The following PPP2R5E variants were observed in gnomAD, a reference collection of about 807,000 sequenced individuals.
PPP2R5E encodes the protein serine/threonine-protein phosphatase 2A 56 kDa regulatory subunit epsilon isoform.
Under a neutral mutation model 65.3 loss-of-function variants are expected in PPP2R5E, and 4 were observed. That is an observed-to-expected ratio of 0.06 (90% CI 0.03 to 0.14). The LOEUF (loss-of-function observed/expected upper bound fraction) is 0.14. PPP2R5E is among the 10% of genes least tolerant of loss of function. The pLI is 1.00. For synonymous variants in PPP2R5E, 183 were observed against 187.4 expected, an observed-to-expected ratio of 0.98 and a Z score of 0.19; for missense variants, 274 against 556.1, an observed-to-expected ratio of 0.49 and a Z score of 5.10.
At chr14:63,486,569 C>G (rs908942810) in intron 2 of PPP2R5E, among the ~76,000 whole-genome samples, 1 of 151,764 alleles carries the variant, frequency 6.6e-6, no homozygotes, top group Non-Finnish European at 1.5e-5. Context: ...TTACCAATAC[C>G]ATCATTTGGG....
At chr14:63,439,524 G>A (rs1195741905) in intron 3 of PPP2R5E, among the ~76,000 whole-genome samples, 4 of 152,226 alleles carry the variant, frequency 2.6e-5, no homozygotes, top group African/African-American at 4.8e-5. Flanking sequence ...ACAGGCATGC[G>A]CCACCAGGCC....
chr14:63,382,716 T>C (rs1446473468), intron 12 of PPP2R5E, among the ~76,000 whole-genome samples: 1 of 152,170 alleles, frequency 6.6e-6, no homozygotes, highest in Non-Finnish European at 1.5e-5. Flanking sequence ...TTCTAATTAT[T>C]GGCACCCAGA....
rs1165072621 is a variant in PPP2R5E, at chr14:63,502,225, C to T, written c.157+37304G>A. 3.3e-5 allele frequency among the ~76,000 whole-genome samples: 5 copies of T among 152,088 alleles called. No individual in the cohort carries two copies. The East Asian group carries it at 7.8e-4, about 24-fold the overall frequency. On this transcript the variant is annotated intron_variant, in intron 2 of 13. Transcript: ENST00000337537. ...TTGTTTTTTTAAATGGAACCATCTA[C>T]ATAGCATGAAGCAGAGGGCACCAGA... is the stretch of plus-strand genomic sequence containing the variant.
chr14:63,498,224 G>A (rs1327096598), intron 2 of PPP2R5E, among the ~76,000 whole-genome samples: 1 of 152,152 alleles, frequency 6.6e-6, no homozygotes, highest in Non-Finnish European at 1.5e-5. Flanking sequence ...AAACAGTGTG[G>A]TTTTTATTCA....
intron 5 of PPP2R5E, among the ~76,000 whole-genome samples, chr14:63,400,699 C>CAAAAAAAAGAA (rs1555356631): frequency 1.4e-5 from 1 of 73,730 alleles, no homozygotes. Context: ...CCCAACCAGC[C>CAAAAAAAAGAA]AAAAAAAAAA....
chr14:63,494,480 C>T (rs1223904736), intron 2 of PPP2R5E, among the ~76,000 whole-genome samples: 1 of 151,802 alleles, frequency 6.6e-6, no homozygotes, highest in Non-Finnish European at 1.5e-5. Flanking sequence ...GGTGATCTGC[C>T]CCTATTAGCC....
chr14:63,394,159 G>A (rs566051216), intron 7 of PPP2R5E, among the ~76,000 whole-genome samples: 2 of 137,276 alleles, frequency 1.5e-5, no homozygotes, highest in African/African-American at 5.5e-5. Context: ...TCAGCTCACT[G>A]CAACCTTCGC....
intron 2 of PPP2R5E, among the ~76,000 whole-genome samples, chr14:63,492,298 G>T (rs1396225123): frequency 2.6e-5 from 4 of 152,144 alleles, no homozygotes; most frequent in East Asian, 3.9e-4. Context: ...TTCAAAAGGA[G>T]ACTTACTTCA....
At chr14:63,486,724 T>C (rs2139616949) in intron 2 of PPP2R5E, among the ~76,000 whole-genome samples, 1 of 152,308 alleles carries the variant, frequency 6.6e-6, no homozygotes, top group African/African-American at 2.4e-5. Flanking sequence ...TCCCAGTCTG[T>C]GGCTCAGCTA....
rs571835246 is a variant in PPP2R5E, at chr14:63,502,850, G to A, written c.157+36679C>T. ...TATAGTAATAGTCAATAACTAGGCCGGGTGCAATGGCTTACACTTGTAATC... is the reference window on the plus strand; with the variant it reads ...TATAGTAATAGTCAATAACTAGGCCAGGTGCAATGGCTTACACTTGTAATC... On this transcript the variant is annotated intron_variant, in intron 2 of 13. Transcript: ENST00000337537. 1.3e-4 allele frequency among the ~76,000 whole-genome samples: 20 copies of A among 152,180 alleles called. 1 individual carries two copies. Among genetic ancestry groups the A allele is most frequent in the Admixed American group, 8.5e-4 (13 of 15,282 alleles).
rs1337977663 is a variant in PPP2R5E at position 63,467,237 on chromosome 14, AACAAAC to A, written c.158-13358_158-13353del. Among the ~76,000 whole-genome samples, 82 of 132,602 alleles carry A rather than the reference AACAAAC, an allele frequency of 6.2e-4. 5 individuals are homozygous for A. Among genetic ancestry groups the A allele is most frequent in the African/African-American group, 1.6e-3 (42 of 26,488 alleles). 87.0% of individuals were successfully genotyped at this position (132,602 alleles called of 152,430 possible). On this transcript the variant is annotated intron_variant, in intron 2 of 13. Coordinates refer to ENST00000337537, the MANE Select transcript of PPP2R5E (RefSeq NM_006246.5). ...GACTCCGTCTCAAAAAAAACAAACA[AACAAAC>A]AAAAAAAACACTATTTACAACATGT...
intron 13 of PPP2R5E, among the ~76,000 whole-genome samples, chr14:63,377,159 T>C (rs985474589): frequency 7.5e-6 from 1 of 133,722 alleles, no homozygotes; most frequent in Non-Finnish European, 1.6e-5. Context: ...CAAAAAAAAA[T>C]AAAAAAAAAA....
At chr14:63,454,749 T>G (rs895458338) in intron 2 of PPP2R5E, among the ~76,000 whole-genome samples, 3 of 152,200 alleles carry the variant, frequency 2.0e-5, no homozygotes, top group Non-Finnish European at 2.9e-5. Context: ...TATCCCCTCC[T>G]ATCTTCTTTC....
intron 8 of PPP2R5E, among the ~76,000 whole-genome samples, chr14:63,393,393 T>G (rs1390277067): frequency 6.6e-6 from 1 of 152,178 alleles, no homozygotes; most frequent in Non-Finnish European, 1.5e-5. Flanking sequence ...TATTTTAAAC[T>G]TAAGTAAGTC....
intron 5 of PPP2R5E, among the ~76,000 whole-genome samples, chr14:63,410,672 G>C (rs1886345092): frequency 1.3e-5 from 2 of 152,328 alleles, no homozygotes. Flanking sequence ...GTAAGGAAAA[G>C]GACAGGAGGC....
chr14:63,472,179 A>G (rs1890167332), intron 2 of PPP2R5E, among the ~76,000 whole-genome samples: 1 of 152,224 alleles, frequency 6.6e-6, no homozygotes, highest in Non-Finnish European at 1.5e-5. Context: ...AGGCGCCTGT[A>G]ATCCCAGCTA....
chr14:63,459,744 G>A (rs749622469), intron 2 of PPP2R5E, among the ~76,000 whole-genome samples: 3 of 152,176 alleles, frequency 2.0e-5, no homozygotes, highest in Non-Finnish European at 4.4e-5. Flanking sequence ...AGTGATTTCA[G>A]TATGTCACTA....
intron 10 of PPP2R5E, among the ~76,000 whole-genome samples, chr14:63,390,387 G>A (rs562821931): frequency 8.6e-5 from 13 of 151,942 alleles, no homozygotes; most frequent in African/African-American, 2.2e-4. Context: ...ACCGGGTGCC[G>A]CAAGAAACAG....
chr14:63,535,666 T>C (rs977135331), intron 2 of PPP2R5E, among the ~76,000 whole-genome samples: 2 of 152,200 alleles, frequency 1.3e-5, no homozygotes, highest in African/African-American at 4.8e-5. Context: ...ATAATTATCG[T>C]ATTCAAACTC....
Sources: allele counts gnomAD v4.1 joint callset (sites outside exome capture counted in the v4.1 genomes callset), GRCh38; gene constraint gnomAD v4.1.1; transcripts MANE v1.5; gene names NCBI Gene and HGNC (gene_info 2026-07-23, HGNC 2026-07-21).